Variants in KLRG1 observed in about 807,000 individuals in gnomAD.
The protein encoded by KLRG1 is killer cell lectin-like receptor subfamily G member 1.
KLRG1 carries 16 observed loss-of-function variants against 21.8 expected under a neutral mutation model. The observed-to-expected ratio is 0.73, with a 90% CI of 0.50 to 1.11. The LOEUF (loss-of-function observed/expected upper bound fraction) is 1.11, where lower values mean the gene tolerates loss of function less well. Ranked by LOEUF, KLRG1 falls within the 50% of genes most tolerant of loss-of-function variation. KLRG1 has a pLI of 0.00. For synonymous variants in KLRG1, 69 were observed against 75.9 expected (o/e 0.91, Z 0.47); for missense variants, 173 against 218.3 (o/e 0.79, Z 1.31).
chr12:9,196,601 C>T, the KLRG1 span: 7 of 1,612,810 alleles, frequency 4.3e-6, no homozygotes, highest in East Asian at 1.3e-4. Context: ...CTGGCTTCCA[C>T]TCTAAGCTTC....
At chr12:9,105,933 C>T in the KLRG1 span, among the ~76,000 whole-genome samples, 1 of 151,972 alleles carries the variant, frequency 6.6e-6, no homozygotes, top group Non-Finnish European at 1.5e-5. Flanking sequence ...GCCTGGTAAA[C>T]CATGAGAAGG....
At chr12:9,016,266 G>C in the KLRG1 span, among the ~76,000 whole-genome samples, 3 of 151,440 alleles carry the variant, frequency 2.0e-5, no homozygotes, top group African/African-American at 4.8e-5. Context: ...GCCATACTAC[G>C]TAAGAAAAAA....
chr12:9,093,891 T>TCAAACAAA, the KLRG1 span, among the ~76,000 whole-genome samples: 1,787 of 151,004 alleles, frequency 0.012, 34 homozygotes, highest in African/African-American at 0.04. Flanking sequence ...AGACTTCGTC[T>TCAAACAAA]CAAACAAACA....
the KLRG1 span, among the ~76,000 whole-genome samples, chr12:9,166,628 A>T: frequency 2.0e-5 from 3 of 152,240 alleles, no homozygotes; most frequent in Non-Finnish European, 2.9e-5. Context: ...GAATTTAATG[A>T]TTTACATTAA....
chr12:9,095,393 C>G, the KLRG1 span: 6 of 727,724 alleles, frequency 8.2e-6, no homozygotes, highest in Non-Finnish European at 1.3e-5. Context: ...TTTCGCAGAT[C>G]TGCTGCTATT....
chr12:9,203,766 A>T, the KLRG1 span: 1 of 1,614,000 alleles, frequency 6.2e-7, no homozygotes, highest in Non-Finnish European at 8.5e-7. Context: ...CGTAGCACTC[A>T]CAGTGAAGGA....
the KLRG1 span, chr12:9,166,327 G>A: frequency 4.6e-6 from 4 of 871,134 alleles, no homozygotes; most frequent in African/African-American, 3.5e-5. Context: ...TCTTGTAGAA[G>A]TTGTAGAACT....
At chr12:8,968,105 A>C (rs1025265675) in intron 1 of KLRG1, among the ~76,000 whole-genome samples, 1 of 152,238 alleles carries the variant, frequency 6.6e-6, no homozygotes. Flanking sequence ...TAGAACATAC[A>C]GAAGATAAAT....
At chr12:9,169,615 G>A in the KLRG1 span, 17 of 1,556,282 alleles carry the variant, frequency 1.1e-5, 3 homozygotes, top group South Asian at 1.4e-4. Context: ...GGGATCAAAG[G>A]CAGAACTGTT....
At chr12:9,022,585 C>A in the KLRG1 span, among the ~76,000 whole-genome samples, 1 of 151,976 alleles carries the variant, frequency 6.6e-6, no homozygotes, top group Non-Finnish European at 1.5e-5. Flanking sequence ...GTTTTAGGAT[C>A]GGGGGTGGTC....
the KLRG1 span, among the ~76,000 whole-genome samples, chr12:9,175,172 C>G: frequency 6.6e-6 from 1 of 152,144 alleles, no homozygotes; most frequent in African/African-American, 2.4e-5. Flanking sequence ...CTACAACCAT[C>G]TGATCTTTGA....
the KLRG1 span, chr12:9,068,081 A>G: frequency 4.5e-6 from 6 of 1,331,562 alleles, no homozygotes; most frequent in Non-Finnish European, 6.3e-6. Context: ...GAGTAATTTG[A>G]TGTTTTTGAC....
the KLRG1 span, chr12:9,109,482 C>T: frequency 9.2e-7 from 1 of 1,083,290 alleles, no homozygotes; most frequent in Non-Finnish European, 1.4e-6. Context: ...TTCCCTGTAA[C>T]AGTTCCCTAA....
the KLRG1 span, chr12:9,166,019 C>T: frequency 6.7e-5 from 106 of 1,578,322 alleles, no homozygotes; most frequent in Non-Finnish European, 8.5e-5. Flanking sequence ...ATTCCCTCCC[C>T]TCCAGCAAAT....
At chr12:8,980,336 C>G (rs1420232929) in intron 1 of KLRG1, among the ~76,000 whole-genome samples, 1 of 152,128 alleles carries the variant, frequency 6.6e-6, no homozygotes, top group Non-Finnish European at 1.5e-5. Context: ...CTTTAGCTTA[C>G]TGAGCCTCTT....
At position 9,009,055 on chromosome 12, in the gene KLRG1, A is replaced by G. The variant is rs1362370685; in HGVS notation, c.438A>G (p.Gly146=). Reference sequence around the variant, plus strand: ...ATTCTGGCTGGAGGTGGGAAGATGGATCACCTCTAAACTTCTCAAGGTAAG... The same window carrying G: ...ATTCTGGCTGGAGGTGGGAAGATGGGTCACCTCTAAACTTCTCAAGGTAAG... ...RNNSGWRWED[G]SPLNFSRISS... The change falls in exon 4 of 5, where the codon GGA becomes GGG. Residue 146 remains glycine (G), a synonymous_variant. Coordinates refer to ENST00000356986, the MANE Select transcript of KLRG1 (RefSeq NM_005810.4). The G allele has an allele frequency of 6.2e-7, 1 of 1,612,848 alleles. No homozygotes were observed. The highest frequency in any genetic ancestry group is 8.5e-7 in the Non-Finnish European group (1 of 1,179,146).
chr12:9,184,264 A>G, the KLRG1 span, among the ~76,000 whole-genome samples: 1 of 152,144 alleles, frequency 6.6e-6, no homozygotes, highest in African/African-American at 2.4e-5. Context: ...CACCCCTGCC[A>G]GCACCCTGCC....
chr12:9,130,251 A>G, the KLRG1 span, among the ~76,000 whole-genome samples: 1 of 152,212 alleles, frequency 6.6e-6, no homozygotes, highest in Admixed American at 6.5e-5. Flanking sequence ...GACTAGTGCT[A>G]TGACTGTGGT....
the KLRG1 span, chr12:9,160,200 T>C: frequency 8.7e-7 from 1 of 1,151,694 alleles, no homozygotes; most frequent in Middle Eastern, 2.0e-4. Context: ...TGTGGGAAGA[T>C]TGTTGTTTTC....
Sources: gnomAD v4.1 joint callset for allele counts (sites outside exome capture counted in the v4.1 genomes callset) on GRCh38, gnomAD v4.1.1 for gene constraint, MANE v1.5 for transcripts, NCBI Gene and HGNC (gene_info 2026-07-23, HGNC 2026-07-21) for gene names.